The following CDH23 variants were observed in gnomAD, a reference collection of about 807,000 sequenced individuals.
CDH23 encodes the protein cadherin related 23.
A neutral mutation model predicts 317.1 loss-of-function variants in CDH23; 189 were observed. The ratio of observed to expected loss-of-function variants is 0.60; its 90% CI spans 0.53 to 0.67. The LOEUF (loss-of-function observed/expected upper bound fraction) is 0.67. Among genes scored for constraint, CDH23 ranks in the 30% least tolerant of loss-of-function variants. CDH23 has a pLI of 0.00. For synonymous variants in CDH23, 1,839 were observed against 1,876.8 expected (o/e 0.98, Z 0.52); for missense variants, 4,401 against 4,592.4 (o/e 0.96, Z 1.20).
chr10:71,621,626 C>T (rs1042673296), intron 11 of CDH23, among the ~76,000 whole-genome samples: 5 of 152,154 alleles, frequency 3.3e-5, no homozygotes, highest in African/African-American at 9.7e-5. Context: ...AAATCCTCTG[C>T]GGGGCAGTCG....
chr10:71,773,496 C>T lies in CDH23; in HGVS notation c.4846-4184C>T, dbSNP rs568597909. 1.9e-5 allele frequency: 29 copies of T among 1,519,524 alleles called. No homozygotes were observed. In the East Asian group the frequency reaches 4.6e-4, roughly 24 times the overall value. 94.1% of individuals were successfully genotyped at this position (1,519,524 alleles called of 1,614,324 possible). ...TGCCGGGGAGCGGGCGGGACGCGGC[C>T]GGCGCGGGGAAGCCTCCCGCGACTG... On this transcript the variant is annotated intron_variant, in intron 38 of 69. Transcript: ENST00000224721.
At chr10:71,760,997 T>C (rs781265157) in intron 38 of CDH23, 18 of 1,476,342 alleles carry the variant, frequency 1.2e-5, no homozygotes, top group Non-Finnish European at 1.7e-5. Context: ...TCCAGGCCAG[T>C]GTCCCCCTCC....
Position 71,572,192 on chromosome 10 carries a change from C to A in CDH23, c.753+1274C>A, listed in dbSNP as rs573763431. Among the ~76,000 whole-genome samples the A allele has an allele frequency of 8.6e-4, 131 of 152,320 alleles. 1 individual carries two copies. Among genetic ancestry groups the A allele is most frequent in the African/African-American group, 3.0e-3 (125 of 41,580 alleles). ...CCCAGCCTTCTCTTTCTTAGCATTC[C>A]GTGGGCAGTGGGAGCCCCTGCTTTT... On this transcript the variant is annotated intron_variant, in intron 8 of 69. Coordinates refer to ENST00000224721, the MANE Select transcript of CDH23 (RefSeq NM_022124.6).
intron 14 of CDH23, among the ~76,000 whole-genome samples, chr10:71,665,081 G>A (rs1399215957): frequency 2.0e-5 from 3 of 152,196 alleles, no homozygotes; most frequent in Admixed American, 6.5e-5. Flanking sequence ...CTTCCTGTGT[G>A]TCAGGCACTG....
intron 46 of CDH23, chr10:71,790,652 G>A: frequency 1.8e-6 from 1 of 562,114 alleles, no homozygotes; most frequent in Non-Finnish European, 3.1e-6. Context: ...CGAACTCTCA[G>A]CCTGGGCCGG....
At position 71,617,320 on chromosome 10, in the gene CDH23, G is replaced by A. The variant is rs200792189; in HGVS notation, c.1061G>A (p.Ser354Asn). Residue 354 changes from serine to asparagine, a missense_variant, in exon 11 of 70, where the codon AGC (serine) becomes AAC (asparagine). Around this residue, in one of 3 missense-constraint regions of CDH23, gnomAD observed 3,068 missense variants for 3,203.3 expected, o/e 0.96. Coordinates refer to ENST00000224721, the MANE Select transcript of CDH23 (RefSeq NM_022124.6). The stretch of plus-strand genomic sequence containing the variant: ...CCGGAGTTCAACAGCTCCGAGTACA[G>A]CGTGGCCATCACTGAGCTGGCACAG... ...NAPEFNSSEY[S>N]VAITELAQVG... The A allele has an allele frequency of 1.2e-4, 189 of 1,613,838 alleles. No individual in the cohort carries two copies. Among genetic ancestry groups the A allele is most frequent in the Non-Finnish European group, 1.5e-4 (172 of 1,179,888 alleles).
At chr10:71,692,769 A>G (rs112504071) in intron 20 of CDH23, among the ~76,000 whole-genome samples, 3 of 152,320 alleles carry the variant, frequency 2.0e-5, no homozygotes, top group Admixed American at 6.5e-5. Flanking sequence ...GGAAAGAACC[A>G]AGCACAGAGA....
At position 71,811,364 on chromosome 10, in the gene CDH23, C is replaced by A. The variant is rs375907609; in HGVS notation, c.9127C>A (p.Arg3043=). ...ENKEQLRNLF[R]NYNVLDVQPA... The stretch of plus-strand genomic sequence containing the variant: ...CAAGGAGCAGCTACGGAATCTTTTC[C>A]GGAACTACAACGTCCTGGACGTGCA... The change falls in exon 63 of 70, where the codon CGG becomes AGG. Residue 3043 remains arginine, a synonymous_variant. Transcript: ENST00000224721. 2 of 1,613,894 alleles carry A rather than the reference C, an allele frequency of 1.2e-6. No individual in the cohort carries two copies. Among genetic ancestry groups the A allele is most frequent in the East Asian group, 2.2e-5 (1 of 44,874 alleles).
At chr10:71,533,023 C>T (rs906999755) in intron 6 of CDH23, among the ~76,000 whole-genome samples, 2 of 152,196 alleles carry the variant, frequency 1.3e-5, no homozygotes, top group Non-Finnish European at 2.9e-5. Flanking sequence ...TGAGCCACTG[C>T]GCCCAGCCGA....
chr10:71,495,381 A>G (rs2132152258), intron 3 of CDH23, among the ~76,000 whole-genome samples: 1 of 152,168 alleles, frequency 6.6e-6, no homozygotes, highest in South Asian at 2.1e-4. Context: ...ACCTGCTTTT[A>G]TGATTGCGCC....
chr10:71,469,122 T>A (rs1311498139), intron 3 of CDH23, among the ~76,000 whole-genome samples: 1 of 152,346 alleles, frequency 6.6e-6, no homozygotes, highest in South Asian at 2.1e-4. Context: ...AGAAAAGCAA[T>A]CTTTATTCTA....
intron 41 of CDH23, among the ~76,000 whole-genome samples, chr10:71,780,841 G>A (rs375842668): frequency 6.6e-6 from 1 of 152,168 alleles, no homozygotes; most frequent in African/African-American, 2.4e-5. Context: ...AGCCGGGAGA[G>A]GGTGGTGGCA....
rs557091281 is a variant in CDH23 at position 71,800,585 on chromosome 10, TA to T, written c.7363-48del. On this transcript the variant is annotated intron_variant, in intron 52 of 69. Transcript: ENST00000224721. ...GCATCTGGCCATAGTAGGTGCTCAA[TA>T]AATATCTTTTGAATGATTGAAGGAC... 840 of 1,588,288 alleles carry T rather than the reference TA, an allele frequency of 5.3e-4. 2 individuals are homozygous for T. The highest frequency in any genetic ancestry group is 6.7e-4 in the Middle Eastern group (4 of 6,012).
intron 3 of CDH23, among the ~76,000 whole-genome samples, chr10:71,501,115 A>C (rs904692322): frequency 6.6e-6 from 1 of 152,046 alleles, no homozygotes; most frequent in Non-Finnish European, 1.5e-5. Context: ...TGATCCACCC[A>C]CCTTGGCCTC....
intron 38 of CDH23, among the ~76,000 whole-genome samples, chr10:71,759,854 C>CACACACACATATATACACACACACAT (rs1482468493): frequency 1.8e-5 from 2 of 109,200 alleles, no homozygotes; most frequent in South Asian, 3.0e-4. Context: ...CACATATACA[C>CACACACACATATATACACACACACAT]ACACACACAC....
In CDH23 at chr10:71,815,507, C is replaced by A; in HGVS notation, c.*229C>A. On this transcript the variant is annotated 3_prime_UTR_variant, in exon 70 of 70. Transcript: ENST00000224721. Reference sequence around the variant, plus strand: ...AAGATCTGTTATTTTTATAAGAAAACCAAACAAAAATGTTAAGCATCTAAG... The same window carrying A: ...AAGATCTGTTATTTTTATAAGAAAAACAAACAAAAATGTTAAGCATCTAAG... The A allele has an allele frequency of 6.6e-6, 3 of 452,626 alleles. No homozygotes were observed. In the East Asian group the frequency reaches 9.8e-5, roughly 15 times the overall value. The allele number at this position is 452,626 out of a possible 1,614,324, so 28.0% of individuals were successfully genotyped here. A position where few individuals can be genotyped will look rare whatever the true frequency, so the allele number is the denominator to read the frequency against.
At chr10:71,671,623 G>T (rs1206977561) in intron 14 of CDH23, among the ~76,000 whole-genome samples, 2 of 127,438 alleles carry the variant, frequency 1.6e-5, no homozygotes, top group Non-Finnish European at 3.4e-5. Context: ...ATTGGGGCTG[G>T]GATAGACTCA....
At chr10:71,605,876 T>C (rs1378752679) in intron 9 of CDH23, among the ~76,000 whole-genome samples, 1 of 152,208 alleles carries the variant, frequency 6.6e-6, no homozygotes, top group Non-Finnish European at 1.5e-5. Flanking sequence ...TTTGAAGAAA[T>C]TCTCTCCATG....
At chr10:71,398,912 T>A (rs1310952016) in intron 1 of CDH23, among the ~76,000 whole-genome samples, 2 of 152,160 alleles carry the variant, frequency 1.3e-5, no homozygotes, top group African/African-American at 4.8e-5. Context: ...AGAGCTAGCA[T>A]CCTGGCCCCG....
Sources: gnomAD v4.1 joint callset for allele counts (sites outside exome capture counted in the v4.1 genomes callset) on GRCh38, gnomAD v4.1.1 for gene constraint, gnomAD v4.1.1 regional missense constraint, MANE v1.5 for transcripts, NCBI Gene and HGNC (gene_info 2026-07-23, HGNC 2026-07-21) for gene names.